The following SOX5 variants were observed in gnomAD, a reference collection of about 807,000 sequenced individuals.
SOX5 encodes SRY-box transcription factor 5, also known as transcription factor SOX-5.
SOX5 carries 9 observed loss-of-function variants against 92.0 expected under a neutral mutation model. The ratio of observed to expected loss-of-function variants is 0.10; its 90% CI spans 0.06 to 0.17. The LOEUF is 0.17. Among genes scored for constraint, SOX5 ranks in the 10% least tolerant of loss-of-function variants. The probability of loss-of-function intolerance (pLI) is 1.00; values close to 1 mark genes in which losing one functional copy is unlikely to be tolerated. For synonymous variants in SOX5, 344 were observed against 336.3 expected (o/e 1.02, Z -0.25); for missense variants, 642 against 944.5 (o/e 0.68, Z 4.20).
At chr12:23,551,964 C>T (rs890169642) in intron 11 of SOX5, among the ~76,000 whole-genome samples, 4 of 151,838 alleles carry the variant, frequency 2.6e-5, no homozygotes, top group African/African-American at 9.7e-5. Context: ...AATGTATTAA[C>T]AGATCAAGTT....
intron 1 of SOX5, among the ~76,000 whole-genome samples, chr12:23,910,444 T>TTTGTC (rs2097339638): frequency 6.6e-6 from 1 of 152,146 alleles, no homozygotes; most frequent in African/African-American, 2.4e-5. Context: ...CAGGTTTAAA[T>TTTGTC]ACGCATTTCC....
At chr12:23,555,827 C>CAATT (rs1199707236) in intron 11 of SOX5, among the ~76,000 whole-genome samples, 9 of 152,012 alleles carry the variant, frequency 5.9e-5, no homozygotes, top group African/African-American at 2.2e-4. Flanking sequence ...GCATGTATTT[C>CAATT]AATTAAATAC....
At chr12:24,315,075 A>G (rs953584234) in intron 2 of SOX5, among the ~76,000 whole-genome samples, 2 of 152,236 alleles carry the variant, frequency 1.3e-5, no homozygotes, top group African/African-American at 4.8e-5. Context: ...GTCTTAACAT[A>G]AAGAAACTTC....
chr12:24,365,917 A>G (rs1956125593), intron 2 of SOX5, among the ~76,000 whole-genome samples: 1 of 152,104 alleles, frequency 6.6e-6, no homozygotes, highest in African/African-American at 2.4e-5. Context: ...AGTTAACAAA[A>G]TGATGTAACT....
intron 4 of SOX5, among the ~76,000 whole-genome samples, chr12:24,169,318 CT>C (rs1953794732): frequency 6.6e-6 from 1 of 152,120 alleles, no homozygotes; most frequent in Non-Finnish European, 1.5e-5. Context: ...TTTTTAAAGT[CT>C]TCGGGAAAAG....
intron 4 of SOX5, among the ~76,000 whole-genome samples, chr12:24,213,035 A>G (rs185661291): frequency 6.6e-6 from 1 of 152,350 alleles, no homozygotes; most frequent in East Asian, 1.9e-4. Context: ...GAAAGTCATT[A>G]AGAAGTTTCA....
intron 1 of SOX5, among the ~76,000 whole-genome samples, chr12:23,918,691 C>T (rs2097445434): frequency 6.6e-6 from 1 of 151,474 alleles, no homozygotes; most frequent in African/African-American, 2.4e-5. Context: ...TTTGGGAGGC[C>T]CAGGTGGAGG....
intron 4 of SOX5, among the ~76,000 whole-genome samples, chr12:24,181,375 A>T (rs1468737879): frequency 6.6e-6 from 1 of 152,194 alleles, no homozygotes; most frequent in Non-Finnish European, 1.5e-5. Context: ...ATTTGCATTC[A>T]CTAAGGATGA....
At chr12:23,548,402 A>C (rs1446106456) in intron 11 of SOX5, among the ~76,000 whole-genome samples, 1 of 152,060 alleles carries the variant, frequency 6.6e-6, no homozygotes, top group Non-Finnish European at 1.5e-5. Context: ...TATTAATAAA[A>C]TGATTCAGTT....
At chr12:24,303,710 C>T (rs1280913111) in intron 2 of SOX5, among the ~76,000 whole-genome samples, 4 of 152,024 alleles carry the variant, frequency 2.6e-5, no homozygotes, top group South Asian at 2.1e-4. Context: ...TGAAGGTCAC[C>T]GATTCCTTCT....
chr12:23,580,705 T>C (rs974062249), intron 9 of SOX5, among the ~76,000 whole-genome samples: 1 of 152,052 alleles, frequency 6.6e-6, no homozygotes, highest in South Asian at 2.1e-4. Flanking sequence ...AATAAACATA[T>C]AGGTCTGGGA....
chr12:24,304,417 T>G, intron 2 of SOX5, among the ~76,000 whole-genome samples: 1 of 152,086 alleles, frequency 6.6e-6, no homozygotes, highest in Non-Finnish European at 1.5e-5. Flanking sequence ...ATTTTCTGAT[T>G]AAAGGAGGAA....
chr12:23,708,152 A>AT (rs1205578260), intron 6 of SOX5, among the ~76,000 whole-genome samples: 1 of 151,668 alleles, frequency 6.6e-6, no homozygotes, highest in African/African-American at 2.4e-5. Context: ...GTTCAGAAGA[A>AT]TTTTTTTGTT....
At chr12:24,312,429 TG>T in intron 2 of SOX5, among the ~76,000 whole-genome samples, 1 of 152,198 alleles carries the variant, frequency 6.6e-6, no homozygotes, top group Admixed American at 6.5e-5. Flanking sequence ...ATTAGCAACC[TG>T]CCATTTCTTC....
rs374871428 is a variant in SOX5 at position 23,928,741 on chromosome 12, T to A, written c.38+20823A>T. Among the ~76,000 whole-genome samples the A allele has an allele frequency of 6.1e-4, 93 of 151,968 alleles. 2 individuals are homozygous for A. In the South Asian group the frequency reaches 0.018, roughly 30 times the overall value. Reference sequence around the variant, plus strand: ...CTTTCAAATTCCTGACTTTTAATTTTTAAAAAGTTATAATTTTGACAATTA... The same window carrying A: ...CTTTCAAATTCCTGACTTTTAATTTATAAAAAGTTATAATTTTGACAATTA... On this transcript the variant is annotated intron_variant, in intron 1 of 14. Transcript: ENST00000451604.
intron 3 of SOX5, among the ~76,000 whole-genome samples, chr12:23,804,195 G>T (rs1418828115): frequency 1.3e-5 from 2 of 151,886 alleles, no homozygotes; most frequent in Non-Finnish European, 2.9e-5. Flanking sequence ...ATATTACAAG[G>T]AATAGAGTAA....
chr12:24,315,969 GC>G, intron 2 of SOX5, among the ~76,000 whole-genome samples: 1 of 152,300 alleles, frequency 6.6e-6, no homozygotes, highest in East Asian at 1.9e-4. Context: ...AAGGCCTTCA[GC>G]CACGGGCTTC....
At chr12:24,381,526 A>ACCCTGC (rs1326336026) in intron 1 of SOX5, among the ~76,000 whole-genome samples, 5 of 152,202 alleles carry the variant, frequency 3.3e-5, no homozygotes, top group Admixed American at 3.3e-4. Context: ...ACGTATTCCC[A>ACCCTGC]CCTTATAGCC....
chr12:23,934,849 A>G (rs1339260519), intron 1 of SOX5, among the ~76,000 whole-genome samples: 3 of 151,360 alleles, frequency 2.0e-5, no homozygotes, highest in Non-Finnish European at 3.0e-5. Context: ...TAAGGCATGC[A>G]GAGTTTATGT....
Sources: allele counts gnomAD v4.1 joint callset (sites outside exome capture counted in the v4.1 genomes callset), GRCh38; gene constraint gnomAD v4.1.1; transcripts MANE v1.5; gene names NCBI Gene and HGNC (gene_info 2026-07-23, HGNC 2026-07-21).